ZNF106: variants seen among roughly 807,000 people sequenced by gnomAD.
ZNF106 encodes SH3-domain binding protein 3.
In ZNF106, 67 loss-of-function variants were observed where a neutral mutation model predicts 195.1. The ratio of observed to expected loss-of-function variants is 0.34; its 90% CI spans 0.28 to 0.42. ZNF106 has a LOEUF of 0.42. Ranked by LOEUF, ZNF106 falls within the 10% of genes least tolerant of loss-of-function variation. ZNF106 has a pLI of 1.00. For missense variants in ZNF106, 2,118 were observed against 2,304.5 expected (o/e 0.92, Z 1.66); for synonymous variants, 784 against 818.6 (o/e 0.96, Z 0.72).
chr15:42,489,957 T>G (rs1355067034), intron 1 of ZNF106, among the ~76,000 whole-genome samples: 3 of 152,072 alleles, frequency 2.0e-5, no homozygotes, highest in Non-Finnish European at 4.4e-5. Context: ...GAGAATCTCT[T>G]GAAACTGGAA....
intron 13 of ZNF106, 86 bp downstream of exon 13, chr15:42,437,146 C>CAA: frequency 1.4e-6 from 2 of 1,442,238 alleles, no homozygotes; most frequent in Non-Finnish European, 1.9e-6. Flanking sequence ...AGACAGCCAA[C>CAA]AAATTCCCTT....
intron 10 of ZNF106, among the ~76,000 whole-genome samples, chr15:42,440,267 T>TA (rs1232659993): frequency 2.0e-5 from 3 of 152,258 alleles, no homozygotes; most frequent in Non-Finnish European, 4.4e-5. Flanking sequence ...TCCTTTGACT[T>TA]AGTTACTTCA....
In ZNF106 at chr15:42,466,295, T is replaced by G. The variant is rs2056515497; in HGVS notation, c.55-181A>C. On this transcript the variant is annotated intron_variant, in intron 2 of 21. Transcript: ENST00000564754. ...ATAATTAACTGTGTTTTTTAATATA[T>G]TTCATGTTTAAATAAAAAGAATTCT... Among the ~76,000 whole-genome samples the G allele has an allele frequency of 1.3e-5, 2 of 152,202 alleles. 1 individual carries two copies. Among genetic ancestry groups the G allele is most frequent in the South Asian group, 4.1e-4 (2 of 4,834 alleles).
intron 5 of ZNF106, among the ~76,000 whole-genome samples, chr15:42,449,038 A>G (rs1405872194): frequency 1.3e-5 from 2 of 152,130 alleles, no homozygotes; most frequent in Non-Finnish European, 2.9e-5. Flanking sequence ...AAACCCTTTT[A>G]CTGAGCACTT....
At chr15:42,486,445 G>C (rs1190899561) in intron 1 of ZNF106, among the ~76,000 whole-genome samples, 1 of 151,940 alleles carries the variant, frequency 6.6e-6, no homozygotes, top group Non-Finnish European at 1.5e-5. Context: ...ATTTTTTGTA[G>C]AGACAGGGTC....
chr15:42,451,424 G>C lies in ZNF106; in HGVS notation c.848C>G (p.Thr283Ser). ...RNSNCQMEDMTMLWNKKSNKS... is the reference protein window; with the variant it reads ...RNSNCQMEDMSMLWNKKSNKS... ...ATTAGATTTCTTGTTCCATAGCATAGTCATGTCTTCCATTTGACAGTTAGA... is the reference window on the plus strand; with the variant it reads ...ATTAGATTTCTTGTTCCATAGCATACTCATGTCTTCCATTTGACAGTTAGA... Residue 283 changes from threonine to serine, a missense_variant, in exon 5 of 22, where the codon ACT (threonine) becomes AGT (serine). Physicochemically the swap from Thr to Ser is moderately conservative, Grantham distance 58. Transcript: ENST00000564754. The C allele has an allele frequency of 6.2e-7, 1 of 1,614,182 alleles. No individual in the cohort carries two copies. The highest frequency in any genetic ancestry group is 8.5e-7 in the Non-Finnish European group (1 of 1,180,040).
At chr15:42,477,589 T>C (rs2056810834) in intron 1 of ZNF106, among the ~76,000 whole-genome samples, 1 of 152,052 alleles carries the variant, frequency 6.6e-6, no homozygotes, top group Non-Finnish European at 1.5e-5. Context: ...CACAAAAAAA[T>C]TAAAAATTAT....
intron 18 of ZNF106, 33 bp downstream of exon 18, chr15:42,422,468 T>A: frequency 6.2e-7 from 1 of 1,605,844 alleles, no homozygotes; most frequent in Non-Finnish European, 8.5e-7. Flanking sequence ...TCTCCCCAAA[T>A]CATTCAAGCA....
rs570404722 is a variant in ZNF106, at chr15:42,473,377, T to C, written c.-32-1056A>G. ...CATGGCTACAATATCTGTTTCTCTC[T>C]TCCTCTCCGAATCATTCGCATGCCC... On this transcript the variant is annotated intron_variant, in intron 1 of 21. Coordinates refer to ENST00000564754, the MANE Select transcript of ZNF106 (RefSeq NM_001366845.3). Among the ~76,000 whole-genome samples the C allele has an allele frequency of 1.7e-3, 258 of 152,324 alleles. 1 individual carries two copies. Among genetic ancestry groups the C allele is most frequent in the African/African-American group, 5.7e-3 (238 of 41,572 alleles).
intron 1 of ZNF106, among the ~76,000 whole-genome samples, chr15:42,485,998 G>C (rs192292088): frequency 2.1e-5 from 3 of 142,664 alleles, no homozygotes; most frequent in East Asian, 4.0e-4. Flanking sequence ...TCGCTCTGTC[G>C]CCAGGCTGGA....
Position 42,424,963 on chromosome 15 carries a change from T to C in ZNF106, c.5061A>G (p.Thr1687=). 1 of 1,614,188 alleles carries C rather than the reference T, an allele frequency of 6.2e-7. No individual in the cohort carries two copies. Among genetic ancestry groups the C allele is most frequent in the South Asian group, 1.1e-5 (1 of 91,082 alleles). Reference sequence around the variant, plus strand: ...GCAGTTTTCGGGCACCTTCCTGAGCTGTAGCAAGACAGCTGACTGCCCGAG... The same window carrying C: ...GCAGTTTTCGGGCACCTTCCTGAGCCGTAGCAAGACAGCTGACTGCCCGAG... ...HGPRAVSCLA[T]AQEGARKLLV... Residue 1687 remains threonine (T), a synonymous_variant, in exon 16 of 22, where the codon ACA becomes ACG. Transcript: ENST00000564754.
At chr15:42,459,002 T>C (rs1595479123) in intron 3 of ZNF106, among the ~76,000 whole-genome samples, 4 of 152,074 alleles carry the variant, frequency 2.6e-5, no homozygotes, top group African/African-American at 9.7e-5. Context: ...TCACTCTTTT[T>C]TGACTTTGTA....
chr15:42,420,971 T>A, intron 20 of ZNF106, 90 bp downstream of exon 20: 1 of 1,165,970 alleles, frequency 8.6e-7, no homozygotes, highest in Non-Finnish European at 1.3e-6. Context: ...AATATAAAAA[T>A]GCTACACTGA....
chr15:42,461,972 G>C (rs2056400971), intron 3 of ZNF106, among the ~76,000 whole-genome samples: 1 of 152,070 alleles, frequency 6.6e-6, no homozygotes, highest in Non-Finnish European at 1.5e-5. Context: ...GGTTTTTCTT[G>C]CTACCTGTTT....
At chr15:42,441,173 T>TA (rs752991984) in intron 10 of ZNF106, among the ~76,000 whole-genome samples, 18,451 of 114,680 alleles carry the variant, frequency 0.16, 1,823 homozygotes, top group Non-Finnish European at 0.22. Flanking sequence ...CATCTCTACT[T>TA]AAAAAAAAAA....
At chr15:42,485,483 G>A (rs1020234334) in intron 1 of ZNF106, among the ~76,000 whole-genome samples, 1 of 152,138 alleles carries the variant, frequency 6.6e-6, no homozygotes, top group African/African-American at 2.4e-5. Flanking sequence ...ATTCCTTCAT[G>A]GGTTTCTTCC....
rs1261530883 is a variant in ZNF106 at position 42,456,965 on chromosome 15, G to C, written c.310C>G (p.Gln104Glu). 4 of 1,612,432 alleles carry C rather than the reference G, an allele frequency of 2.5e-6. No individual in the cohort carries two copies. The highest frequency in any genetic ancestry group is 2.2e-5 in the East Asian group (1 of 44,794). ...AAAAAATCAATTACTTACCGACTTT[G>C]TTCTTTCCTTTGTTTTATTAACTGA... Reference protein sequence around the residue: ...LIQLIKQRKEQSRQDEPSNSN... With the variant: ...LIQLIKQRKEESRQDEPSNSN... The change falls in exon 4 of 22, where the codon CAA (glutamine) becomes GAA (glutamate). Residue 104 changes from glutamine to glutamate, a missense_variant. Transcript: ENST00000564754.
chr15:42,476,979 T>C (rs1396019162), intron 1 of ZNF106, among the ~76,000 whole-genome samples: 1 of 152,144 alleles, frequency 6.6e-6, no homozygotes. Flanking sequence ...CAATAAACTA[T>C]TAGTAGTTAA....
chr15:42,473,107 A>T (rs1284639297), intron 1 of ZNF106, among the ~76,000 whole-genome samples: 1 of 152,142 alleles, frequency 6.6e-6, no homozygotes, highest in Non-Finnish European at 1.5e-5. Flanking sequence ...CCAAAACCGG[A>T]AACTTTTTGG....
Sources: gnomAD v4.1 joint callset for allele counts (sites outside exome capture counted in the v4.1 genomes callset) on GRCh38, gnomAD v4.1.1 for gene constraint, MANE v1.5 for transcripts, NCBI Gene and HGNC (gene_info 2026-07-23, HGNC 2026-07-21) for gene names.